The following CCDC150 variants were observed in gnomAD, a reference collection of about 807,000 sequenced individuals.
CCDC150 encodes coiled-coil domain containing 150, also known as coiled-coil domain-containing protein 150.
In CCDC150, 151 loss-of-function variants were observed where a neutral mutation model predicts 156.5. The ratio of observed to expected loss-of-function variants is 0.97; its 90% confidence interval spans 0.85 to 1.10. The LOEUF (loss-of-function observed/expected upper bound fraction) is 1.10, where lower values mean the gene tolerates loss of function less well. Ranked by LOEUF, CCDC150 falls within the 50% of genes least tolerant of loss-of-function variation. The pLI is 0.00. For missense variants in CCDC150, 1,312 were observed against 1,268.1 expected, an observed-to-expected ratio of 1.03 and a Z score of -0.53; for synonymous variants, 452 against 429.4, an observed-to-expected ratio of 1.05 and a Z score of -0.65.
chr2:196,669,952 C>A, intron 8 of CCDC150, 76 bp downstream of exon 8: 1 of 1,063,584 alleles, frequency 9.4e-7, no homozygotes, highest in Non-Finnish European at 1.4e-6. Context: ...TCCATGTTGG[C>A]TTACAGTGCT....
intron 5 of CCDC150, among the ~76,000 whole-genome samples, chr2:196,662,686 C>T (rs1278573045): frequency 6.6e-6 from 1 of 151,862 alleles, no homozygotes; most frequent in African/African-American, 2.4e-5. Context: ...GGTATTATAA[C>T]ACAAATAGGC....
chr2:196,721,352 G>A (rs1421156232), intron 20 of CCDC150, among the ~76,000 whole-genome samples, 170 bp from the exon 21 acceptor site: 1 of 15,950 alleles, frequency 6.3e-5, no homozygotes, highest in Non-Finnish European at 1.3e-4. Context: ...ATATGTGTGT[G>A]CATATATATA....
chr2:196,704,356 T>C (rs1386556014), intron 15 of CCDC150, among the ~76,000 whole-genome samples: 1 of 152,200 alleles, frequency 6.6e-6, no homozygotes. Context: ...CGGCTAGTTC[T>C]TAATTGCTTG....
At chr2:196,681,799 T>G (rs1238792253) in intron 13 of CCDC150, among the ~76,000 whole-genome samples, 5 of 152,172 alleles carry the variant, frequency 3.3e-5, no homozygotes, top group Non-Finnish European at 7.4e-5. Flanking sequence ...CTTTGTCTAT[T>G]TTTAAAAGGG....
At chr2:196,665,457 A>G in intron 5 of CCDC150, 110 bp from the exon 6 acceptor site, 2 of 549,122 alleles carry the variant, frequency 3.6e-6, no homozygotes, top group South Asian at 2.7e-5. Context: ...AAATGAATTA[A>G]GACTGTTTGG....
chr2:196,712,185 C>A lies in CCDC150; in HGVS notation c.1736C>A (p.Thr579Asn). The A allele has an allele frequency of 6.3e-7, 1 of 1,587,022 alleles. No individual in the cohort carries two copies. Among genetic ancestry groups the A allele is most frequent in the Non-Finnish European group, 8.6e-7 (1 of 1,164,240 alleles). Residue 579 changes from threonine (T) to asparagine (N), a missense_variant, in exon 16 of 28, where the codon ACT becomes AAT. Coordinates refer to ENST00000389175, the MANE Select transcript of CCDC150 (RefSeq NM_001080539.2). Reference protein sequence around the residue: ...KQLEEQVQSFTDTSLQNDHLR... With the variant: ...KQLEEQVQSFNDTSLQNDHLR... The stretch of plus-strand genomic sequence containing the variant: ...CTAGAAGAACAAGTACAGTCTTTTA[C>A]TGACACCAGCTTACAGAATGATCAT...
At position 196,666,381 on chromosome 2, in the gene CCDC150, G is replaced by A. The variant is rs186064227; in HGVS notation, c.763-338G>A. 2.2e-4 allele frequency among the ~76,000 whole-genome samples: 33 copies of A among 152,278 alleles called. No homozygotes were observed. The East Asian group carries it at 6.2e-3, about 28-fold the overall frequency. On this transcript the variant is annotated intron_variant, in intron 6 of 27. Transcript: ENST00000389175. Reference sequence around the variant, plus strand: ...CTTTAGGAATTGCAAATGATCCTTTGTTGCTGTAACTTGCAATGCCAATAT... The same window carrying A: ...CTTTAGGAATTGCAAATGATCCTTTATTGCTGTAACTTGCAATGCCAATAT...
chr2:196,729,326 C>G lies in CCDC150; in HGVS notation c.2690C>G (p.Thr897Ser). ...SNKEKIKNQK[T>S]QIKLHLSAKA... ...AAGGAGAAAATAAAGAATCAAAAGA[C>G]CCAAATTAAGCTCCACTTGTCAGCT... Residue 897 changes from threonine (T) to serine (S), a missense_variant, in exon 23 of 28, where the codon ACC becomes AGC. Transcript: ENST00000389175. 6.2e-7 allele frequency: 1 copy of G among 1,613,494 alleles called. No individual in the cohort carries two copies. The highest frequency in any genetic ancestry group is 8.5e-7 in the Non-Finnish European group (1 of 1,179,804).
intron 12 of CCDC150, 43 bp downstream of exon 12, chr2:196,676,774 A>G (rs773450441): frequency 2.0e-6 from 3 of 1,508,128 alleles, no homozygotes; most frequent in East Asian, 2.3e-5. Flanking sequence ...TTGTGGTGTG[A>G]TGATGTTTTA....
intron 7 of CCDC150, among the ~76,000 whole-genome samples, chr2:196,668,168 C>T (rs1385920795): frequency 6.6e-6 from 1 of 151,858 alleles, no homozygotes; most frequent in African/African-American, 2.4e-5. Flanking sequence ...TGTGGTGGCA[C>T]GCGCCTGTAG....
intron 15 of CCDC150, among the ~76,000 whole-genome samples, chr2:196,711,905 T>C (rs754183588): frequency 3.3e-5 from 5 of 152,140 alleles, no homozygotes; most frequent in Non-Finnish European, 5.9e-5. Flanking sequence ...CTATAAGCAC[T>C]AGAAACCAAA....
rs554794777 is a variant in CCDC150 at position 196,686,932 on chromosome 2, C to T, written c.1510-8114C>T. Among the ~76,000 whole-genome samples, 66 of 152,248 alleles carry T rather than the reference C, an allele frequency of 4.3e-4. 1 individual carries two copies. In the South Asian group the frequency reaches 0.012, roughly 28 times the overall value. On this transcript the variant is annotated intron_variant, in intron 13 of 27. Coordinates refer to ENST00000389175, the MANE Select transcript of CCDC150 (RefSeq NM_001080539.2). ...CCAGCTCCATCCATGATCACGAGGA[C>T]GTGATCTCATTCTTTTTTATGGCTG...
chr2:196,678,418 T>C (rs1432159492), intron 13 of CCDC150, among the ~76,000 whole-genome samples: 1 of 152,202 alleles, frequency 6.6e-6, no homozygotes, highest in Non-Finnish European at 1.5e-5. Flanking sequence ...TCAAATGCAG[T>C]TACCACCAAG....
At position 196,708,754 on chromosome 2, in the gene CCDC150, C is replaced by T. The variant is rs369622387; in HGVS notation, c.1696-3391C>T. 9.9e-5 allele frequency among the ~76,000 whole-genome samples: 15 copies of T among 152,224 alleles called. No individual in the cohort carries two copies. In the East Asian group the frequency reaches 2.7e-3, roughly 27 times the overall value. ...TTGTCTGTAAAGGTTTTTATTTCTC[C>T]TTCACTTATGAAGCTTAATTTAGCT... On this transcript the variant is annotated intron_variant, in intron 15 of 27. Coordinates refer to ENST00000389175, the MANE Select transcript of CCDC150 (RefSeq NM_001080539.2).
intron 15 of CCDC150, among the ~76,000 whole-genome samples, chr2:196,709,746 C>G (rs149884026): frequency 0.09 from 13,744 of 152,126 alleles, 786 homozygotes; most frequent in African/African-American, 0.17. Context: ...TGTTAGTTTT[C>G]CTTCTAACAG....
chr2:196,654,162 A>G (rs930184010), intron 2 of CCDC150, among the ~76,000 whole-genome samples: 1 of 152,188 alleles, frequency 6.6e-6, no homozygotes, highest in Admixed American at 6.5e-5. Context: ...TCACATTTCA[A>G]CATGAGACTT....
In CCDC150 at chr2:196,718,600, T is replaced by C; in HGVS notation, c.1964T>C (p.Leu655Pro). 1.2e-6 allele frequency: 2 copies of C among 1,613,666 alleles called. No individual in the cohort carries two copies. The highest frequency in any genetic ancestry group is 1.7e-6 in the Non-Finnish European group (2 of 1,179,700). ...GAGAGTCAGAAGTTGAAAGAAGACC[T>C]CGAGGCTGTGGAGGACAGGGAAAAC... ...LKESQKLKEDLEAVEDRENKK... is the reference protein window; with the variant it reads ...LKESQKLKEDPEAVEDRENKK... Residue 655 changes from leucine to proline, a missense_variant, in exon 18 of 28, where the codon CTC becomes CCC. Coordinates refer to ENST00000389175, the MANE Select transcript of CCDC150 (RefSeq NM_001080539.2).
rs540783647 is a variant in CCDC150, at chr2:196,720,124, G to C, written c.2166-451G>C. The C allele has an allele frequency of 1.5e-3, 597 of 405,984 alleles. 3 individuals carry two copies. The highest frequency in any genetic ancestry group is 2.5e-3 in the South Asian group (130 of 52,108). 25.1% of individuals were successfully genotyped at this position (405,984 alleles called of 1,614,324 possible). A position where few individuals can be genotyped will look rare whatever the true frequency, so the allele number is the denominator to read the frequency against. ...AACCACTTCTAGCCATGTTTTATAAGTAAATTCCTTTATAGAATGTTTCAA... is the reference window on the plus strand; with the variant it reads ...AACCACTTCTAGCCATGTTTTATAACTAAATTCCTTTATAGAATGTTTCAA... On this transcript the variant is annotated intron_variant, in intron 19 of 27. Transcript: ENST00000389175.
Position 196,732,013 on chromosome 2 carries a change from G to A in CCDC150, c.3070-20G>A. 1.2e-6 allele frequency: 2 copies of A among 1,609,042 alleles called. No homozygotes were observed. The highest frequency in any genetic ancestry group is 1.7e-6 in the Non-Finnish European group (2 of 1,177,496). ...TAACTCTTTCTTTGTGTCTTTTAATGGTGATATTTATATGTTCAGATAACA... is the reference window on the plus strand; with the variant it reads ...TAACTCTTTCTTTGTGTCTTTTAATAGTGATATTTATATGTTCAGATAACA... On this transcript the variant is annotated intron_variant, in intron 26 of 27. Transcript: ENST00000389175.
Sources: gnomAD v4.1 joint callset for allele counts (sites outside exome capture counted in the v4.1 genomes callset) on GRCh38, gnomAD v4.1.1 for gene constraint, MANE v1.5 for transcripts, NCBI Gene and HGNC (gene_info 2026-07-23, HGNC 2026-07-21) for gene names.